BCO2: variants seen among roughly 807,000 people sequenced by gnomAD.
The protein encoded by BCO2 is beta-carotene oxygenase 2.
A neutral mutation model predicts 65.8 loss-of-function variants in BCO2; 56 were observed. The ratio of observed to expected loss-of-function variants is 0.85; its 90% CI spans 0.69 to 1.06. The LOEUF is 1.06. Ranked by LOEUF, BCO2 falls within the 50% of genes least tolerant of loss-of-function variation. The pLI, the probability that BCO2 is intolerant of heterozygous loss-of-function variation, is 0.00. For synonymous variants in BCO2, 233 were observed against 242.3 expected (o/e 0.96, Z 0.36); for missense variants, 675 against 698.5 (o/e 0.97, Z 0.38).
intron 2 of BCO2, 147 bp downstream of exon 2, chr11:112,179,629 A>G (rs1866977336): frequency 1.4e-6 from 1 of 738,522 alleles, no homozygotes; most frequent in Non-Finnish European, 2.2e-6. Context: ...CTAGAGGAGA[A>G]GAAAGGAGAC....
At chr11:112,182,477 C>G (rs1368416301) in intron 2 of BCO2, among the ~76,000 whole-genome samples, 1 of 152,036 alleles carries the variant, frequency 6.6e-6, no homozygotes, top group South Asian at 2.1e-4. Flanking sequence ...ATAGACTGGA[C>G]TAAGAAAATG....
chr11:112,179,247 A>G (rs778693035), intron 1 of BCO2, 31 bp from the exon 2 acceptor site: 18 of 1,595,996 alleles, frequency 1.1e-5, no homozygotes, highest in Admixed American at 1.7e-5. Context: ...TTGGTAAAAT[A>G]TTTTTTGTGC....
rs961117124 is a variant in BCO2 at position 112,179,599 on chromosome 11, A to G, written c.293+117A>G. 4.2e-6 allele frequency: 4 copies of G among 955,396 alleles called. No individual in the cohort carries two copies. The Admixed American group carries it at 9.1e-5, about 22-fold the overall frequency. The allele number at this position is 955,396 out of a possible 1,614,324, so 59.2% of individuals were successfully genotyped here. ...ATATTTCCATTCCATCCCTTTGATT[A>G]CAGATAAAGAAACTGTAGCCTAGAG... is the stretch of plus-strand genomic sequence containing the variant. On this transcript the variant is annotated intron_variant, in intron 2 of 11. Transcript: ENST00000357685.
At chr11:112,189,841 C>T (rs148061161) in intron 2 of BCO2, among the ~76,000 whole-genome samples, 2,574 of 152,126 alleles carry the variant, frequency 0.017, 70 homozygotes, top group African/African-American at 0.058. Flanking sequence ...GAGATAGTCC[C>T]AATACTTTAT....
At chr11:112,176,542 A>G (rs1167467764) in intron 1 of BCO2, 1 of 115,870 alleles carries the variant, frequency 8.6e-6, no homozygotes, top group Non-Finnish European at 1.7e-5. Flanking sequence ...TAAACATTCT[A>G]TTTTGACATG....
intron 2 of BCO2, among the ~76,000 whole-genome samples, chr11:112,190,718 T>A (rs10891336): frequency 0.23 from 34,621 of 151,298 alleles, 4,062 homozygotes; most frequent in Middle Eastern, 0.27. Flanking sequence ...TAGCTGGGTG[T>A]GGTGGCACGT....
chr11:112,183,449 G>A (rs536881319), intron 2 of BCO2, among the ~76,000 whole-genome samples: 1 of 152,258 alleles, frequency 6.6e-6, no homozygotes, highest in African/African-American at 2.4e-5. Flanking sequence ...CGGGGTAGGA[G>A]GGTTTACCTA....
chr11:112,213,024 C>A (rs1306928818), intron 8 of BCO2, among the ~76,000 whole-genome samples: 2 of 151,744 alleles, frequency 1.3e-5, no homozygotes, highest in African/African-American at 4.8e-5. Context: ...CTTTTCCACA[C>A]AGAGGTCTAC....
At chr11:112,194,237 A>G in intron 4 of BCO2, 1 of 474,604 alleles carries the variant, frequency 2.1e-6, no homozygotes, top group Admixed American at 3.4e-5. Context: ...AAGGAGAAAT[A>G]GAAGAGTACT....
chr11:112,177,432 G>C (rs1866915226), intron 1 of BCO2, among the ~76,000 whole-genome samples: 1 of 152,164 alleles, frequency 6.6e-6, no homozygotes, highest in South Asian at 2.1e-4. Flanking sequence ...CAGACTCTGA[G>C]AAACAATGCT....
At position 112,179,775 on chromosome 11, in the gene BCO2, G is replaced by A. The variant is rs1866981743; in HGVS notation, c.293+293G>A. Reference sequence around the variant, plus strand: ...CTGAGCTGTTTCCCCACAAGTTCCTGAAGGAAGGGCAATGTCTCCTCATAC... The same window carrying A: ...CTGAGCTGTTTCCCCACAAGTTCCTAAAGGAAGGGCAATGTCTCCTCATAC... On this transcript the variant is annotated intron_variant, in intron 2 of 11. Coordinates refer to ENST00000357685, the MANE Select transcript of BCO2 (RefSeq NM_031938.7). 7.7e-6 allele frequency: 3 copies of A among 389,154 alleles called. No individual in the cohort carries two copies. The Admixed American group carries it at 1.2e-4, about 15-fold the overall frequency. The allele number at this position is 389,154 out of a possible 1,614,324, so 24.1% of individuals were successfully genotyped here.
In BCO2 at chr11:112,199,806, CCTT is replaced by C; in HGVS notation, c.848_850del (p.Ser283del). The C allele has an allele frequency of 1.2e-6, 2 of 1,614,012 alleles. No homozygotes were observed. The highest frequency in any genetic ancestry group is 2.2e-5 in the East Asian group (1 of 44,870). The stretch of plus-strand genomic sequence containing the variant: ...TATTGCTTCTACAGAGAAAGGGAAA[CCTT>C]CTTACTACCATAGCTTTGGTGAGTC... On this transcript the variant is annotated inframe_deletion, in exon 6 of 12. Coordinates refer to ENST00000357685, the MANE Select transcript of BCO2 (RefSeq NM_031938.7).
chr11:112,190,522 T>C (rs754426333), intron 2 of BCO2, among the ~76,000 whole-genome samples: 5 of 152,124 alleles, frequency 3.3e-5, no homozygotes, highest in Admixed American at 6.5e-5. Flanking sequence ...AAAAAGCTTT[T>C]GTGAAAATTT....
chr11:112,177,183 A>C (rs1466197001), intron 1 of BCO2, among the ~76,000 whole-genome samples: 2 of 152,236 alleles, frequency 1.3e-5, no homozygotes, highest in East Asian at 3.8e-4. Flanking sequence ...TGAGAATAAG[A>C]TAAATGGTGC....
chr11:112,195,343 C>T (rs780011300), intron 5 of BCO2, among the ~76,000 whole-genome samples: 1 of 152,136 alleles, frequency 6.6e-6, no homozygotes, highest in Non-Finnish European at 1.5e-5. Context: ...CCATGTTGGC[C>T]GGGATGGTCT....
intron 2 of BCO2, chr11:112,181,990 T>G: frequency 2.2e-6 from 1 of 447,540 alleles, no homozygotes; most frequent in Non-Finnish European, 4.0e-6. Flanking sequence ...TACAAAGAAC[T>G]TAAACAAATT....
chr11:112,205,400 T>A (rs577815407), intron 8 of BCO2, among the ~76,000 whole-genome samples: 1 of 152,368 alleles, frequency 6.6e-6, no homozygotes, highest in African/African-American at 2.4e-5. Context: ...CCCTTATGGT[T>A]AGTGATGTTG....
chr11:112,200,513 G>A (rs1867698019), intron 6 of BCO2, 100 bp from the exon 7 acceptor site: 2 of 1,040,144 alleles, frequency 1.9e-6, no homozygotes, highest in Non-Finnish European at 1.4e-6. Context: ...TAGGGCATCA[G>A]TAACGTGTCC....
chr11:112,196,812 TTCC>T lies in BCO2; in HGVS notation c.736+2074_736+2076del, dbSNP rs139461446. Among the ~76,000 whole-genome samples the T allele has an allele frequency of 6.4e-4, 96 of 150,820 alleles. 1 individual carries two copies. In the East Asian group the frequency reaches 9.9e-3, roughly 16 times the overall value. ...TAAACTACCACCACCACCTCCTCCT[TTCC>T]TCCTCCTCCTCCTCCTTCTCTCTCT... On this transcript the variant is annotated intron_variant, in intron 5 of 11. Coordinates refer to ENST00000357685, the MANE Select transcript of BCO2 (RefSeq NM_031938.7).
Sources: gnomAD v4.1 joint callset for allele counts (sites outside exome capture counted in the v4.1 genomes callset) on GRCh38, gnomAD v4.1.1 for gene constraint, MANE v1.5 for transcripts, NCBI Gene and HGNC (gene_info 2026-07-23, HGNC 2026-07-21) for gene names.